Variants in KIAA1217 observed in about 807,000 individuals in gnomAD.
KIAA1217 encodes sickle tail protein homolog.
Under a neutral mutation model 163.9 loss-of-function variants are expected in KIAA1217, and 88 were observed. The ratio of observed to expected loss-of-function variants is 0.54; its 90% confidence interval spans 0.45 to 0.64. The LOEUF (loss-of-function observed/expected upper bound fraction) is 0.64. Among genes scored for constraint, KIAA1217 ranks in the 30% least tolerant of loss-of-function variants. KIAA1217 has a pLI of 0.00. For missense variants in KIAA1217, 2,372 were observed against 2,475.0 expected (o/e 0.96, Z 0.88); for synonymous variants, 903 against 923.1 (o/e 0.98, Z 0.39).
chr10:24,527,419 G>T (rs946720422), intron 13 of KIAA1217, among the ~76,000 whole-genome samples: 1 of 148,540 alleles, frequency 6.7e-6, no homozygotes, highest in Non-Finnish European at 1.5e-5. Flanking sequence ...TGAGACTCAT[G>T]TCTCACTCAG....
rs61857360 is a variant in KIAA1217, at chr10:24,465,125, A to T, written c.847-8103A>T. On this transcript the variant is annotated intron_variant, in intron 5 of 20. Coordinates refer to ENST00000376454, the MANE Select transcript of KIAA1217 (RefSeq NM_019590.5). ...ACAAAACAAAACCTGCCTAATGTAT[A>T]CCAGATTCATCAGAAGCTGATAGTG... Among the ~76,000 whole-genome samples, 803 of 152,316 alleles carry T rather than the reference A, an allele frequency of 5.3e-3. 6 individuals are homozygous for T. The highest frequency in any genetic ancestry group is 0.013 in the South Asian group (62 of 4,808).
chr10:24,076,219 T>A (rs2061364155), intron 2 of KIAA1217, among the ~76,000 whole-genome samples: 1 of 152,202 alleles, frequency 6.6e-6, no homozygotes, highest in Non-Finnish European at 1.5e-5. Context: ...ATTTTCCTGC[T>A]GGCTATTCTA....
Position 23,752,994 on chromosome 10 carries a change from C to G in KIAA1217, c.-321+57760C>G, listed in dbSNP as rs183483877. Among the ~76,000 whole-genome samples the G allele has an allele frequency of 1.2e-3, 177 of 152,268 alleles. 2 individuals are homozygous for G. Among genetic ancestry groups the G allele is most frequent in the African/African-American group, 3.8e-3 (157 of 41,564 alleles). The stretch of plus-strand genomic sequence containing the variant: ...GTTAAGTGCCTACCCCAAATTCATA[C>G]AAATAACAGTTGGTGGATTTGAGAT... On this transcript the variant is annotated intron_variant, in intron 1 of 18. Transcript: ENST00000376462.
intron 10 of KIAA1217, among the ~76,000 whole-genome samples, chr10:24,514,787 C>G (rs979842479): frequency 6.6e-5 from 10 of 151,880 alleles, no homozygotes; most frequent in Non-Finnish European, 1.5e-4. Flanking sequence ...GTCAGGAGTT[C>G]GAGACCAGCC....
chr10:24,119,977 T>A lies in KIAA1217; in HGVS notation c.-170-99649T>A, dbSNP rs367960131. 4.5e-4 allele frequency among the ~76,000 whole-genome samples: 69 copies of A among 152,362 alleles called. 1 individual carries two copies. Among genetic ancestry groups the A allele is most frequent in the African/African-American group, 1.6e-3 (68 of 41,586 alleles). On this transcript the variant is annotated intron_variant, in intron 2 of 18. Coordinates refer to the KIAA1217 transcript ENST00000376462. ...AGACAATGGGTGAAACCCACTTCCG[T>A]GGAAGTAGGGTGCTGCATTCTTCCT... is the stretch of plus-strand genomic sequence containing the variant.
chr10:24,169,507 T>C (rs2065519958), intron 2 of KIAA1217, among the ~76,000 whole-genome samples: 3 of 152,188 alleles, frequency 2.0e-5, no homozygotes, highest in Non-Finnish European at 2.9e-5. Flanking sequence ...TCTGTGAGGA[T>C]AGGGAATTCG....
At chr10:24,425,415 G>T (rs1472957659) in intron 3 of KIAA1217, among the ~76,000 whole-genome samples, 1 of 152,150 alleles carries the variant, frequency 6.6e-6, no homozygotes, top group East Asian at 1.9e-4. Flanking sequence ...TTCTTAAAGA[G>T]GCCACTCAAA....
In KIAA1217 at chr10:24,044,660, G is replaced by A. The variant is rs534419056; in HGVS notation, c.-171+37286G>A. On this transcript the variant is annotated intron_variant, in intron 2 of 18. Transcript: ENST00000376462. ...TAAAATATTGATAATAGTTATGCTT[G>A]GTTATCATAATTAGTTTTCCATCAT... is the stretch of plus-strand genomic sequence containing the variant. Among the ~76,000 whole-genome samples the A allele has an allele frequency of 2.6e-4, 40 of 151,982 alleles. 1 individual carries two copies. In the South Asian group the frequency reaches 8.3e-3, roughly 32 times the overall value.
intron 2 of KIAA1217, among the ~76,000 whole-genome samples, chr10:24,175,741 G>C (rs1025851308): frequency 6.6e-6 from 1 of 152,130 alleles, no homozygotes; most frequent in Non-Finnish European, 1.5e-5. Context: ...GGTCTTGCTA[G>C]CTTCAGGAGT....
intron 1 of KIAA1217, among the ~76,000 whole-genome samples, chr10:23,792,107 G>A (rs570140661): frequency 3.9e-5 from 6 of 152,268 alleles, no homozygotes; most frequent in African/African-American, 1.4e-4. Flanking sequence ...TCTCTCATTA[G>A]GGTGATCATT....
chr10:24,334,258 G>A (rs928591364), intron 2 of KIAA1217, among the ~76,000 whole-genome samples: 1 of 152,094 alleles, frequency 6.6e-6, no homozygotes, highest in Non-Finnish European at 1.5e-5. Context: ...TTTCACTAGG[G>A]GTTGGGCATG....
chr10:24,212,890 T>A (rs1354938002), intron 1 of KIAA1217, among the ~76,000 whole-genome samples: 1 of 152,194 alleles, frequency 6.6e-6, no homozygotes, highest in Non-Finnish European at 1.5e-5. Context: ...AGGCACTCAA[T>A]AATCATTTGT....
At chr10:24,410,248 G>A (rs1223219624) in intron 3 of KIAA1217, among the ~76,000 whole-genome samples, 5 of 152,050 alleles carry the variant, frequency 3.3e-5, no homozygotes, top group Admixed American at 2.0e-4. Context: ...CGCCCGCCTT[G>A]GCCTCCCAAA....
rs565847225 is a variant in KIAA1217, at chr10:24,500,810, C to T, written c.1835-569C>T. On this transcript the variant is annotated intron_variant, in intron 8 of 20. Coordinates refer to ENST00000376454, the MANE Select transcript of KIAA1217 (RefSeq NM_019590.5). The stretch of plus-strand genomic sequence containing the variant: ...AGAAATACAAAAAATTGGCCAAGTG[C>T]GGTGGTTCACGCCTGTAATCCTAGC... 1.6e-4 allele frequency among the ~76,000 whole-genome samples: 25 copies of T among 152,144 alleles called. No homozygotes were observed. The East Asian group carries it at 3.7e-3, about 22-fold the overall frequency.
intron 1 of KIAA1217, among the ~76,000 whole-genome samples, chr10:23,765,312 C>T (rs1013828381): frequency 1.2e-4 from 18 of 150,846 alleles, no homozygotes; most frequent in Admixed American, 1.2e-3. Flanking sequence ...CCTCAGCCTC[C>T]CGAGTAGCTG....
chr10:24,027,437 C>A lies in KIAA1217; in HGVS notation c.-171+20063C>A, dbSNP rs193251085. On this transcript the variant is annotated intron_variant, in intron 2 of 18. Coordinates refer to the KIAA1217 transcript ENST00000376462. ...AGAGGGGTAGTTCTGGTTCTTTTTG[C>A]TCTACCATTGCCAGAAACAAGTCAA... Among the ~76,000 whole-genome samples the A allele has an allele frequency of 2.0e-3, 300 of 152,180 alleles. 3 individuals carry two copies. The highest frequency in any genetic ancestry group is 7.0e-3 in the African/African-American group (290 of 41,520).
chr10:24,145,036 T>G (rs1016145267), intron 2 of KIAA1217, among the ~76,000 whole-genome samples: 4 of 152,262 alleles, frequency 2.6e-5, no homozygotes, highest in Non-Finnish European at 5.9e-5. Flanking sequence ...TCATTATAGA[T>G]CAAAGAATAC....
Position 24,190,968 on chromosome 10 carries a change from C to T in KIAA1217, c.-170-28658C>T, listed in dbSNP as rs373901760. 9.9e-5 allele frequency among the ~76,000 whole-genome samples: 15 copies of T among 151,884 alleles called. 1 individual carries two copies. Among genetic ancestry groups the T allele is most frequent in the East Asian group, 3.9e-4 (2 of 5,160 alleles). ...CAGCACTTTGGGAGGCCAAGGCTGG[C>T]GAATCATTTGAGCCCAGGAGTTCAA... is the stretch of plus-strand genomic sequence containing the variant. On this transcript the variant is annotated intron_variant, in intron 2 of 18. Coordinates refer to the KIAA1217 transcript ENST00000376462.
chr10:24,122,153 C>T (rs181972416), intron 2 of KIAA1217, among the ~76,000 whole-genome samples: 1 of 152,162 alleles, frequency 6.6e-6, no homozygotes, highest in Admixed American at 6.5e-5. Flanking sequence ...GCCCTTCCCC[C>T]CACCCTTTTG....
Sources: gnomAD v4.1 joint callset for allele counts (sites outside exome capture counted in the v4.1 genomes callset) on GRCh38, gnomAD v4.1.1 for gene constraint, MANE v1.5 for transcripts, NCBI Gene and HGNC (gene_info 2026-07-23, HGNC 2026-07-21) for gene names.